The following PLA2R1 variants were observed in gnomAD, a reference collection of about 807,000 sequenced individuals.
PLA2R1 encodes the protein phospholipase A2 receptor 1, also known as secretory phospholipase A2 receptor.
PLA2R1 carries 158 observed loss-of-function variants against 195.9 expected under a neutral mutation model. The ratio of observed to expected loss-of-function variants is 0.81; its 90% CI spans 0.71 to 0.92. The LOEUF (loss-of-function observed/expected upper bound fraction) is 0.92. Among genes scored for constraint, PLA2R1 ranks in the 40% least tolerant of loss-of-function variants. The pLI, the probability that PLA2R1 is intolerant of heterozygous loss-of-function variation, is 0.00. For missense variants in PLA2R1, 1,626 were observed against 1,764.6 expected (o/e 0.92, Z 1.41); for synonymous variants, 586 against 598.2 (o/e 0.98, Z 0.30).
chr2:159,969,320 G>C lies in PLA2R1; in HGVS notation c.2700C>G (p.Asp900Glu). ...DGTPVIYQNW[D>E]TGRERTVNNQ... ...TATTCACAGTTCTTTCTCTTCCTGTGTCCCAGTTCTGGTATATCACTGGTG... is the reference window on the plus strand; with the variant it reads ...TATTCACAGTTCTTTCTCTTCCTGTCTCCCAGTTCTGGTATATCACTGGTG... The change falls in exon 19 of 30, where the codon GAC (aspartate) becomes GAG (glutamate). Residue 900 changes from aspartate to glutamate, a missense_variant. By Grantham distance (45) the Asp-to-Glu change is conservative. Coordinates refer to ENST00000283243, the MANE Select transcript of PLA2R1 (RefSeq NM_007366.5). 6.2e-7 allele frequency: 1 copy of C among 1,608,510 alleles called. No homozygotes were observed. Among genetic ancestry groups the C allele is most frequent in the Non-Finnish European group, 8.5e-7 (1 of 1,175,170 alleles).
chr2:160,024,127 C>T (rs2105483373), intron 6 of PLA2R1, among the ~76,000 whole-genome samples: 1 of 152,292 alleles, frequency 6.6e-6, no homozygotes, highest in African/African-American at 2.4e-5. Context: ...TGCACCCTGT[C>T]TCTCTGTGGA....
chr2:159,963,253 C>G (rs145398890), intron 20 of PLA2R1, among the ~76,000 whole-genome samples: 74 of 152,248 alleles, frequency 4.9e-4, no homozygotes, highest in African/African-American at 1.7e-3. Flanking sequence ...AATGTATCAA[C>G]AACCTAAATA....
Position 160,041,910 on chromosome 2 carries a change from G to T in PLA2R1, c.667+115C>A. ...TCAAAATCTGTGTTAATAGCATCAG[G>T]GTTCTTATTCAGACTTCAATATATC... On this transcript the variant is annotated intron_variant, in intron 3 of 29. Transcript: ENST00000283243. 6.3e-6 allele frequency: 5 copies of T among 789,732 alleles called. No homozygotes were observed. In the South Asian group the frequency reaches 7.4e-5, roughly 12 times the overall value. 48.9% of individuals were successfully genotyped at this position (789,732 alleles called of 1,614,324 possible).
chr2:159,994,009 A>C (rs1453202196), intron 11 of PLA2R1, among the ~76,000 whole-genome samples: 1 of 152,056 alleles, frequency 6.6e-6, no homozygotes, highest in African/African-American at 2.4e-5. Context: ...CCCAGCTATA[A>C]GTGAAGAAAC....
At chr2:160,041,299 T>C (rs563418835) in intron 3 of PLA2R1, among the ~76,000 whole-genome samples, 10 of 152,066 alleles carry the variant, frequency 6.6e-5, no homozygotes, top group Non-Finnish European at 1.0e-4. Flanking sequence ...GGAAAGGAAA[T>C]TGAATATAGA....
At chr2:159,997,119 T>C (rs1405109739) in intron 11 of PLA2R1, among the ~76,000 whole-genome samples, 1 of 152,130 alleles carries the variant, frequency 6.6e-6, no homozygotes, top group Non-Finnish European at 1.5e-5. Flanking sequence ...ATGTAATATA[T>C]TGGGTAAAAG....
chr2:159,969,198 A>T, intron 19 of PLA2R1, 58 bp downstream of exon 19: 1 of 813,776 alleles, frequency 1.2e-6, no homozygotes, highest in Non-Finnish European at 2.1e-6. Flanking sequence ...AAAGACTTTA[A>T]GCCTCCTGAA....
At chr2:159,986,576 T>C (rs1009283321) in intron 12 of PLA2R1, among the ~76,000 whole-genome samples, 1 of 151,624 alleles carries the variant, frequency 6.6e-6, no homozygotes, top group African/African-American at 2.4e-5. Flanking sequence ...GCGCATGCTA[T>C]TTCTTTTCTT....
intron 23 of PLA2R1, 144 bp downstream of exon 23, chr2:159,955,055 C>G: frequency 1.6e-6 from 1 of 615,020 alleles, no homozygotes; most frequent in Non-Finnish European, 2.8e-6. Context: ...AATAACTAAA[C>G]TTATGTAAAG....
intron 12 of PLA2R1, among the ~76,000 whole-genome samples, chr2:159,984,930 A>G (rs936441784): frequency 3.9e-5 from 6 of 152,160 alleles, no homozygotes; most frequent in Non-Finnish European, 2.9e-5. Flanking sequence ...AGTCCTGTGG[A>G]CCACAGCACA....
chr2:160,029,044 G>T (rs1468896880), intron 4 of PLA2R1, 81 bp from the exon 5 acceptor site: 2 of 766,104 alleles, frequency 2.6e-6, no homozygotes, highest in Non-Finnish European at 4.6e-6. Flanking sequence ...GGATCATGGA[G>T]TCAGAAACTA....
At chr2:160,018,196 C>T (rs1339464181) in intron 8 of PLA2R1, among the ~76,000 whole-genome samples, 4 of 151,914 alleles carry the variant, frequency 2.6e-5, no homozygotes, top group African/African-American at 9.7e-5. Context: ...ACTATTAATA[C>T]CTATCATCAA....
At chr2:160,033,667 G>A (rs543445739) in intron 3 of PLA2R1, among the ~76,000 whole-genome samples, 3 of 152,334 alleles carry the variant, frequency 2.0e-5, no homozygotes, top group African/African-American at 7.2e-5. Flanking sequence ...TTTCAGCCAA[G>A]AGGAATAGAA....
intron 6 of PLA2R1, among the ~76,000 whole-genome samples, chr2:160,024,937 A>G (rs1263022588): frequency 6.6e-6 from 1 of 151,936 alleles, no homozygotes; most frequent in Non-Finnish European, 1.5e-5. Flanking sequence ...ACCTGACCTC[A>G]CAGAGCCTGA....
At chr2:159,948,998 A>G (rs1687560832) in intron 25 of PLA2R1, among the ~76,000 whole-genome samples, 2 of 152,202 alleles carry the variant, frequency 1.3e-5, no homozygotes, top group Admixed American at 1.3e-4. Flanking sequence ...GGCCAGGTGA[A>G]CTTTAAGTGT....
At chr2:159,979,778 C>T in intron 14 of PLA2R1, 52 bp downstream of exon 14, 1 of 1,061,458 alleles carries the variant, frequency 9.4e-7, no homozygotes, top group Non-Finnish European at 1.5e-6. Flanking sequence ...CAAGTGGTCC[C>T]AGGCCCACTT....
intron 15 of PLA2R1, 47 bp from the exon 16 acceptor site, chr2:159,976,767 G>T: frequency 6.7e-7 from 1 of 1,483,612 alleles, no homozygotes; most frequent in Non-Finnish European, 9.4e-7. Context: ...CTTCTCAAGT[G>T]CATTGTCTGT....
rs1303522150 is a variant in PLA2R1, at chr2:160,016,673, A to G, written c.1492T>C (p.Phe498Leu). The G allele has an allele frequency of 1.2e-6, 2 of 1,609,306 alleles. No individual in the cohort carries two copies. The highest frequency in any genetic ancestry group is 1.7e-6 in the Non-Finnish European group (2 of 1,175,596). ...TGGCCTGCTTTTTTACAAATGTAAA[A>G]AAGTCTTTCTTCACAATTTTTGACT... ...WKVKNCEERL[F>L]YICKKAGHVL... Residue 498 changes from phenylalanine (F) to leucine (L), a missense_variant, in exon 9 of 30, where the codon TTT (phenylalanine) becomes CTT (leucine). Coordinates refer to ENST00000283243, the MANE Select transcript of PLA2R1 (RefSeq NM_007366.5).
chr2:159,960,368 G>A (rs868748667), intron 20 of PLA2R1, among the ~76,000 whole-genome samples: 1 of 152,122 alleles, frequency 6.6e-6, no homozygotes, highest in African/African-American at 2.4e-5. Flanking sequence ...CCTCTAGTGT[G>A]TAAGCACCAA....
Sources: gnomAD v4.1 joint callset for allele counts (sites outside exome capture counted in the v4.1 genomes callset) on GRCh38, gnomAD v4.1.1 for gene constraint, MANE v1.5 for transcripts, NCBI Gene and HGNC (gene_info 2026-07-23, HGNC 2026-07-21) for gene names.